DOCK3: variants seen among roughly 807,000 people sequenced by gnomAD.
DOCK3 encodes dedicator of cytokinesis protein 3.
Under a neutral mutation model 265.6 loss-of-function variants are expected in DOCK3, and 60 were observed. That is an observed-to-expected ratio of 0.23 (90% CI 0.18 to 0.28). The LOEUF (loss-of-function observed/expected upper bound fraction) is 0.28. DOCK3 is among the 10% of genes least tolerant of loss of function. The pLI is 1.00. For synonymous variants in DOCK3, 881 were observed against 938.0 expected (o/e 0.94, Z 1.11); for missense variants, 1,981 against 2,594.3 (o/e 0.76, Z 5.14).
chr3:51,317,611 T>TAATAAC (rs1417634243), intron 32 of DOCK3, among the ~76,000 whole-genome samples: 1 of 147,624 alleles, frequency 6.8e-6, no homozygotes, highest in Non-Finnish European at 1.5e-5. Flanking sequence ...ATAATAATAA[T>TAATAAC]AATAATAATA....
intron 29 of DOCK3, among the ~76,000 whole-genome samples, 180 bp from the exon 30 acceptor site, chr3:51,312,295 TC>T (rs1192163685): frequency 6.6e-6 from 1 of 152,114 alleles, no homozygotes; most frequent in South Asian, 2.1e-4. Flanking sequence ...ACAATTGGCT[TC>T]AGAAGGAGTT....
intron 2 of DOCK3, among the ~76,000 whole-genome samples, chr3:50,827,428 C>T (rs780234966): frequency 6.6e-6 from 1 of 152,028 alleles, no homozygotes; most frequent in Non-Finnish European, 1.5e-5. Context: ...AGGGAGCAAG[C>T]GAGATCTCTG....
intron 23 of DOCK3, among the ~76,000 whole-genome samples, chr3:51,261,890 C>T (rs1477458646): frequency 6.6e-6 from 1 of 152,192 alleles, no homozygotes; most frequent in Admixed American, 6.5e-5. Flanking sequence ...CAGGGCATCT[C>T]TGAAAGAAAG....
At chr3:51,158,371 C>T (rs1042621451) in intron 10 of DOCK3, among the ~76,000 whole-genome samples, 1 of 152,044 alleles carries the variant, frequency 6.6e-6, no homozygotes, top group African/African-American at 2.4e-5. Context: ...CATAGCAAGA[C>T]CCCATCTCTA....
chr3:51,245,546 A>G (rs1412783802), intron 21 of DOCK3, among the ~76,000 whole-genome samples: 1 of 151,568 alleles, frequency 6.6e-6, no homozygotes, highest in African/African-American at 2.4e-5. Context: ...GCACACCACC[A>G]CACCCAGCTA....
At chr3:50,720,298 C>T (rs1204262862) in intron 1 of DOCK3, among the ~76,000 whole-genome samples, 1 of 152,160 alleles carries the variant, frequency 6.6e-6, no homozygotes, top group South Asian at 2.1e-4. Flanking sequence ...CCACCACCCA[C>T]CCTCACATAG....
chr3:51,222,235 G>GAGAAA (rs918173852), intron 14 of DOCK3, among the ~76,000 whole-genome samples: 7 of 152,246 alleles, frequency 4.6e-5, no homozygotes, highest in Admixed American at 3.9e-4. Flanking sequence ...TTTCCTGGCA[G>GAGAAA]TTGGTGCCAG....
chr3:50,773,601 G>T (rs954949067), intron 1 of DOCK3, among the ~76,000 whole-genome samples: 5 of 152,084 alleles, frequency 3.3e-5, no homozygotes, highest in African/African-American at 1.2e-4. Flanking sequence ...TAAAGAGTTT[G>T]TTAACGAGTA....
chr3:51,137,122 T>C (rs570775157), intron 9 of DOCK3, among the ~76,000 whole-genome samples: 1 of 152,222 alleles, frequency 6.6e-6, no homozygotes, highest in South Asian at 2.1e-4. Flanking sequence ...CCCTTTTTTG[T>C]GTGTATTTCT....
intron 1 of DOCK3, among the ~76,000 whole-genome samples, chr3:50,766,153 A>G (rs937460306): frequency 4.6e-5 from 7 of 151,992 alleles, no homozygotes; most frequent in Non-Finnish European, 7.4e-5. Flanking sequence ...TTTAAGTTCT[A>G]GGGTACATGT....
intron 1 of DOCK3, among the ~76,000 whole-genome samples, chr3:50,678,006 C>T (rs138205946): frequency 1.3e-5 from 2 of 151,984 alleles, no homozygotes; most frequent in African/African-American, 2.4e-5. Context: ...CATGTCGATT[C>T]CCAGAGTAGT....
At chr3:50,763,223 GA>G (rs2040638905) in intron 1 of DOCK3, among the ~76,000 whole-genome samples, 1 of 152,106 alleles carries the variant, frequency 6.6e-6, no homozygotes, top group African/African-American at 2.4e-5. Flanking sequence ...GAGGCATTGT[GA>G]TTACTGCCTC....
chr3:51,205,844 C>G (rs373248122), intron 12 of DOCK3, among the ~76,000 whole-genome samples: 1 of 152,190 alleles, frequency 6.6e-6, no homozygotes, highest in African/African-American at 2.4e-5. Flanking sequence ...CTTGGCAGTT[C>G]TGCAAAGCTA....
chr3:50,866,631 A>C (rs1391155709), intron 3 of DOCK3, among the ~76,000 whole-genome samples: 1 of 152,114 alleles, frequency 6.6e-6, no homozygotes, highest in East Asian at 1.9e-4. Context: ...GTTGGGGTCT[A>C]GTTTCATTCT....
intron 1 of DOCK3, among the ~76,000 whole-genome samples, chr3:50,735,478 T>C (rs1177889003): frequency 6.6e-6 from 1 of 152,080 alleles, no homozygotes; most frequent in Non-Finnish European, 1.5e-5. Context: ...GTAGCTGGGA[T>C]TACAGGTGCA....
intron 5 of DOCK3, among the ~76,000 whole-genome samples, chr3:51,032,498 T>G (rs2080091302): frequency 6.6e-6 from 1 of 152,206 alleles, no homozygotes; most frequent in South Asian, 2.1e-4. Context: ...AGCCTTCTTA[T>G]GCTTATTGTG....
chr3:50,811,231 A>G (rs1163447319), intron 2 of DOCK3, among the ~76,000 whole-genome samples: 1 of 151,000 alleles, frequency 6.6e-6, no homozygotes, highest in Non-Finnish European at 1.5e-5. Flanking sequence ...CTCTATAAAA[A>G]AGAGAAGAGA....
At chr3:51,060,674 T>TG (rs1360405363) in intron 5 of DOCK3, among the ~76,000 whole-genome samples, 2 of 152,218 alleles carry the variant, frequency 1.3e-5, no homozygotes, top group South Asian at 2.1e-4. Flanking sequence ...TTCTTGTTTT[T>TG]GTCAGGTTTG....
At chr3:51,059,392 G>A (rs1040771445) in intron 5 of DOCK3, among the ~76,000 whole-genome samples, 4 of 149,224 alleles carry the variant, frequency 2.7e-5, no homozygotes, top group Admixed American at 2.0e-4. Flanking sequence ...TAGCACACAT[G>A]TACATTAATA....
Sources: gnomAD v4.1 joint callset for allele counts (sites outside exome capture counted in the v4.1 genomes callset) on GRCh38, gnomAD v4.1.1 for gene constraint, MANE v1.5 for transcripts, NCBI Gene and HGNC (gene_info 2026-07-23, HGNC 2026-07-21) for gene names.